SORCS2: variants seen among roughly 807,000 people sequenced by gnomAD.
SORCS2 encodes the protein VPS10 domain-containing receptor SorCS2.
SORCS2 carries 100 observed loss-of-function variants against 141.6 expected under a neutral mutation model. The observed-to-expected ratio is 0.71, with a 90% CI of 0.60 to 0.83. SORCS2 has a LOEUF of 0.83. Among genes scored for constraint, SORCS2 ranks in the 40% least tolerant of loss-of-function variants. The pLI is 0.00. For missense variants in SORCS2, 1,646 were observed against 1,560.2 expected (o/e 1.05, Z -0.93); for synonymous variants, 789 against 676.9 (o/e 1.17, Z -2.57).
At chr4:7,423,780 G>T (rs1472268278) in intron 2 of SORCS2, among the ~76,000 whole-genome samples, 2 of 152,166 alleles carry the variant, frequency 1.3e-5, no homozygotes, top group Admixed American at 6.5e-5. Flanking sequence ...AAACAGTGGT[G>T]TGCTGATGAA....
intron 9 of SORCS2, 30 bp from the exon 10 acceptor site, chr4:7,682,713 T>G (rs369951951): frequency 6.3e-7 from 1 of 1,589,000 alleles, no homozygotes; most frequent in South Asian, 1.2e-5. Context: ...CCAGTGTAAG[T>G]TTACAGTCCT....
chr4:7,248,461 A>G (rs1713279528), intron 1 of SORCS2, among the ~76,000 whole-genome samples: 1 of 152,188 alleles, frequency 6.6e-6, no homozygotes, highest in Non-Finnish European at 1.5e-5. Context: ...AATAAAGAAG[A>G]TGATGACCTT....
intron 2 of SORCS2, among the ~76,000 whole-genome samples, chr4:7,516,807 C>A (rs1472545638): frequency 2.0e-5 from 3 of 152,318 alleles, no homozygotes. Context: ...CTCTCATCCA[C>A]GTTTGCAGGT....
At chr4:7,227,686 TC>T (rs552991256) in intron 1 of SORCS2, among the ~76,000 whole-genome samples, 93 of 152,262 alleles carry the variant, frequency 6.1e-4, no homozygotes, top group African/African-American at 2.1e-3. Flanking sequence ...CGCTGCTTCC[TC>T]CCTCCTTCCT....
intron 8 of SORCS2, among the ~76,000 whole-genome samples, chr4:7,668,159 C>T (rs750849585): frequency 3.3e-5 from 5 of 152,212 alleles, no homozygotes; most frequent in Middle Eastern, 3.4e-3. Flanking sequence ...GCTTTACAGA[C>T]GGGGAACAGG....
intron 1 of SORCS2, among the ~76,000 whole-genome samples, chr4:7,380,872 T>TCA (rs1560235005): frequency 1.3e-5 from 2 of 152,196 alleles, no homozygotes; most frequent in Admixed American, 6.5e-5. Flanking sequence ...GATCACGATG[T>TCA]TGAGATCAAG....
chr4:7,563,408 G>T lies in SORCS2; in HGVS notation c.648+31779G>T, dbSNP rs181179283. Among the ~76,000 whole-genome samples, 167 of 152,274 alleles carry T rather than the reference G, an allele frequency of 1.1e-3. 1 individual carries two copies. Among genetic ancestry groups the T allele is most frequent in the African/African-American group, 3.7e-3 (154 of 41,556 alleles). ...CGGGGGAGTAAGTGACCTACCCAGG[G>T]CAAGTCTAGTGCAACAGCCATCTCT... On this transcript the variant is annotated intron_variant, in intron 3 of 26. Transcript: ENST00000507866.
intron 1 of SORCS2, among the ~76,000 whole-genome samples, chr4:7,324,447 C>T (rs1719107199): frequency 6.6e-6 from 1 of 152,234 alleles, no homozygotes; most frequent in South Asian, 2.1e-4. Flanking sequence ...GGACCGTCTG[C>T]CGGCGTCACC....
intron 17 of SORCS2, among the ~76,000 whole-genome samples, chr4:7,717,277 G>A (rs890952750): frequency 1.3e-5 from 2 of 152,142 alleles, no homozygotes; most frequent in East Asian, 1.9e-4. Context: ...TCCCATTCTC[G>A]CTGAAAGCCC....
intron 3 of SORCS2, among the ~76,000 whole-genome samples, chr4:7,560,571 G>GC (rs917330905): frequency 2.0e-5 from 3 of 152,028 alleles, no homozygotes; most frequent in African/African-American, 4.8e-5. Context: ...CCCAAGATGC[G>GC]CCCCCAGCAA....
chr4:7,637,218 C>T (rs916157798), intron 3 of SORCS2, among the ~76,000 whole-genome samples: 7 of 152,192 alleles, frequency 4.6e-5, no homozygotes, highest in East Asian at 3.9e-4. Context: ...CTAAACAACC[C>T]ACTGTGCTGC....
At chr4:7,316,010 C>CT (rs1363950142) in intron 1 of SORCS2, among the ~76,000 whole-genome samples, 5 of 152,124 alleles carry the variant, frequency 3.3e-5, no homozygotes, top group Non-Finnish European at 7.3e-5. Flanking sequence ...TTCATCTATC[C>CT]TTTCTATCCA....
At chr4:7,585,684 A>G (rs1426189972) in intron 3 of SORCS2, among the ~76,000 whole-genome samples, 1 of 152,218 alleles carries the variant, frequency 6.6e-6, no homozygotes, top group African/African-American at 2.4e-5. Flanking sequence ...AATGGTTTCA[A>G]TGCTCACAGC....
intron 11 of SORCS2, among the ~76,000 whole-genome samples, chr4:7,691,829 C>T (rs540179508): frequency 7.9e-5 from 12 of 152,014 alleles, no homozygotes; most frequent in Non-Finnish European, 1.3e-4. Flanking sequence ...GCATGATTTC[C>T]AATGTTTCCA....
At chr4:7,530,604 G>T (rs1011930703) in intron 2 of SORCS2, among the ~76,000 whole-genome samples, 1 of 152,194 alleles carries the variant, frequency 6.6e-6, no homozygotes, top group Non-Finnish European at 1.5e-5. Context: ...CAGTACAGTC[G>T]GGGCATATCC....
At chr4:7,611,999 G>A (rs114596446) in intron 3 of SORCS2, among the ~76,000 whole-genome samples, 1,651 of 152,344 alleles carry the variant, frequency 0.011, 28 homozygotes, top group African/African-American at 0.038. Context: ...CGTGGGTTCC[G>A]GTTTCATCTG....
chr4:7,684,168 G>A (rs1723733759), intron 10 of SORCS2, among the ~76,000 whole-genome samples: 1 of 152,284 alleles, frequency 6.6e-6, no homozygotes, highest in South Asian at 2.1e-4. Context: ...ACTCAGGGTG[G>A]GAGAAGGGTC....
intron 1 of SORCS2, among the ~76,000 whole-genome samples, chr4:7,315,938 C>A (rs752364232): frequency 4.2e-4 from 64 of 152,158 alleles, no homozygotes; most frequent in Non-Finnish European, 8.8e-4. Flanking sequence ...TTCATCCACC[C>A]ATCCATCCTA....
At chr4:7,583,573 TC>T (rs747480715) in intron 3 of SORCS2, among the ~76,000 whole-genome samples, 129 of 152,264 alleles carry the variant, frequency 8.5e-4, no homozygotes, top group Non-Finnish European at 1.4e-3. Flanking sequence ...GGGGGCAGTT[TC>T]CCCCATACTG....
Sources: gnomAD v4.1 joint callset for allele counts (sites outside exome capture counted in the v4.1 genomes callset) on GRCh38, gnomAD v4.1.1 for gene constraint, MANE v1.5 for transcripts, NCBI Gene and HGNC (gene_info 2026-07-23, HGNC 2026-07-21) for gene names.